The following TTC7B variants were observed in gnomAD, a reference collection of about 807,000 sequenced individuals.
TTC7B encodes tetratricopeptide repeat protein 7B.
A neutral mutation model predicts 106.8 loss-of-function variants in TTC7B; 28 were observed. The ratio of observed to expected loss-of-function variants is 0.26; its 90% CI spans 0.19 to 0.36. The LOEUF (loss-of-function observed/expected upper bound fraction) is 0.36, where lower values mean the gene tolerates loss of function less well. Ranked by LOEUF, TTC7B falls within the 10% of genes least tolerant of loss-of-function variation. The pLI, the probability that TTC7B is intolerant of heterozygous loss-of-function variation, is 1.00. For missense variants in TTC7B, 862 were observed against 1,076.4 expected, an observed-to-expected ratio of 0.80 and a Z score of 2.79; for synonymous variants, 405 against 430.6, an observed-to-expected ratio of 0.94 and a Z score of 0.74.
chr14:90,681,193 A>G (rs547621446), intron 7 of TTC7B, among the ~76,000 whole-genome samples: 4 of 152,282 alleles, frequency 2.6e-5, no homozygotes, highest in Admixed American at 2.6e-4. Context: ...GCAGAACCCC[A>G]ATCTGTATTC....
At chr14:90,574,794 A>G (rs917177294) in intron 19 of TTC7B, among the ~76,000 whole-genome samples, 2 of 152,042 alleles carry the variant, frequency 1.3e-5, no homozygotes, top group Admixed American at 1.3e-4. Flanking sequence ...AACAGCCCCC[A>G]CTGACTGCTT....
At chr14:90,579,418 GTGTATGTT>G (rs1467569923) in intron 18 of TTC7B, among the ~76,000 whole-genome samples, 19 of 152,226 alleles carry the variant, frequency 1.2e-4, no homozygotes, top group African/African-American at 4.3e-4. Context: ...TCCCAGTTAT[GTGTATGTT>G]TGTATGAATT....
At chr14:90,586,023 T>TGTTATGTTTGCTGTTA (rs1891695289) in intron 18 of TTC7B, among the ~76,000 whole-genome samples, 1 of 152,354 alleles carries the variant, frequency 6.6e-6, no homozygotes. Flanking sequence ...TGTTATGTGG[T>TGTTATGTTTGCTGTTA]TGTCCTAACT....
In TTC7B at chr14:90,525,852, GGT is replaced by G. The variant is rs1237835538; in HGVS notation, c.*15514_*15515del. 6.8e-6 allele frequency: 1 copy of G among 146,546 alleles called. No homozygotes were observed. Among genetic ancestry groups the G allele is most frequent in the Non-Finnish European group, 1.5e-5 (1 of 66,688 alleles). The allele number at this position is 146,546 out of a possible 1,614,324, so 9.1% of individuals were successfully genotyped here. A position where few individuals can be genotyped will look rare whatever the true frequency, so the allele number is the denominator to read the frequency against. ...GGCTAAGCAGAGACTTTGGAACCCC[GGT>G]TCTAAAGCTCTCAGAGTGGAAGAGT... On this transcript the variant is annotated 3_prime_UTR_variant, in exon 20 of 20. Coordinates refer to ENST00000328459, the MANE Select transcript of TTC7B (RefSeq NM_001010854.2).
intron 5 of TTC7B, among the ~76,000 whole-genome samples, chr14:90,723,683 C>T (rs185865555): frequency 6.6e-6 from 1 of 152,314 alleles, no homozygotes; most frequent in African/African-American, 2.4e-5. Context: ...CCTGGCCAGG[C>T]CACCCTATCT....
intron 15 of TTC7B, among the ~76,000 whole-genome samples, chr14:90,636,993 A>G (rs1884972390): frequency 6.6e-6 from 1 of 151,554 alleles, no homozygotes; most frequent in African/African-American, 2.4e-5. Flanking sequence ...CCAAAATACA[A>G]CAAGACAGAA....
At chr14:90,813,367 G>A (rs143075004) in intron 1 of TTC7B, among the ~76,000 whole-genome samples, 1 of 152,318 alleles carries the variant, frequency 6.6e-6, no homozygotes, top group East Asian at 1.9e-4. Context: ...CATAAGGGCT[G>A]AGATTTTTGC....
intron 5 of TTC7B, among the ~76,000 whole-genome samples, chr14:90,704,203 C>T (rs1234398648): frequency 2.0e-5 from 3 of 152,254 alleles, no homozygotes; most frequent in African/African-American, 4.8e-5. Context: ...CCAGCTGCTA[C>T]GTCCCACCAT....
chr14:90,698,012 C>A (rs1265997966), intron 5 of TTC7B: 1 of 152,182 alleles, frequency 6.6e-6, no homozygotes, highest in African/African-American at 2.4e-5. Flanking sequence ...AAGCTACAAC[C>A]CATTGCAATG....
At chr14:90,678,239 G>A (rs551279772) in intron 8 of TTC7B, among the ~76,000 whole-genome samples, 1 of 152,288 alleles carries the variant, frequency 6.6e-6, no homozygotes, top group Admixed American at 6.5e-5. Context: ...TGGTAGTTCT[G>A]CAAATCAAGT....
chr14:90,618,077 A>G (rs1426812698), intron 15 of TTC7B, 32 bp from the exon 16 acceptor site: 1 of 1,528,986 alleles, frequency 6.5e-7, no homozygotes. Context: ...AGAAAACACC[A>G]CGGCTCAAGC....
At chr14:90,679,405 C>T (rs1482780158) in intron 8 of TTC7B, among the ~76,000 whole-genome samples, 2 of 152,192 alleles carry the variant, frequency 1.3e-5, no homozygotes, top group African/African-American at 2.4e-5. Context: ...CCATTTTATA[C>T]CTCCCATTAA....
chr14:90,791,866 G>T (rs1013768595), intron 1 of TTC7B, among the ~76,000 whole-genome samples: 1 of 152,046 alleles, frequency 6.6e-6, no homozygotes, highest in Non-Finnish European at 1.5e-5. Context: ...AGTGAAACAT[G>T]AACTTCTATC....
Position 90,539,069 on chromosome 14 carries a change from T to A in TTC7B, c.*2299A>T, listed in dbSNP as rs6575138. On this transcript the variant is annotated 3_prime_UTR_variant, in exon 20 of 20. Transcript: ENST00000328459. ...GTGCTTCTCATTGGCCAAGCATGGG[T>A]CACATGCCCAAACCCAAACCAGTCA... 42,576 of 152,126 alleles carry A rather than the reference T, an allele frequency of 0.28. 6,213 individuals carry two copies. Among genetic ancestry groups the A allele is most frequent in the Admixed American group, 0.34 (5,156 of 15,290 alleles). The allele number at this position is 152,126 out of a possible 1,614,324, so 9.4% of individuals were successfully genotyped here. A position where few individuals can be genotyped will look rare whatever the true frequency, so the allele number is the denominator to read the frequency against.
chr14:90,684,378 T>C (rs1887174115), intron 7 of TTC7B, among the ~76,000 whole-genome samples: 2 of 152,024 alleles, frequency 1.3e-5, no homozygotes, highest in Non-Finnish European at 2.9e-5. Context: ...CACATATATA[T>C]ATACACATTA....
chr14:90,537,680 CCTGT>C lies in TTC7B; in HGVS notation c.*3684_*3687del, dbSNP rs1480356005. On this transcript the variant is annotated 3_prime_UTR_variant, in exon 20 of 20. Transcript: ENST00000328459. ...CCTGAGATGTCCTCCTCCCAGGTTA[CCTGT>C]CTTTCTTCAGCCAGATGTCACCTTC... 6.6e-6 allele frequency: 1 copy of C among 152,386 alleles called. No individual in the cohort carries two copies. The highest frequency in any genetic ancestry group is 1.5e-5 in the Non-Finnish European group (1 of 68,178). The allele number at this position is 152,386 out of a possible 1,614,324, so 9.4% of individuals were successfully genotyped here.
rs71461922 is a variant in TTC7B, at chr14:90,737,546, G to GTTTT, written c.576+7242_576+7245dup. 8.8e-4 allele frequency among the ~76,000 whole-genome samples: 81 copies of GTTTT among 91,764 alleles called. 1 individual carries two copies. The highest frequency in any genetic ancestry group is 0.023 in the Middle Eastern group (2 of 88). 60.2% of individuals were successfully genotyped at this position (91,764 alleles called of 152,430 possible). ...AAAAGATCATATATTGTATGATTCT[G>GTTTT]TTTTTTTTTTTTTTTTTTTTTTTTT... On this transcript the variant is annotated intron_variant, in intron 4 of 19. Coordinates refer to ENST00000328459, the MANE Select transcript of TTC7B (RefSeq NM_001010854.2).
chr14:90,795,688 G>A (rs1473357091), intron 1 of TTC7B, among the ~76,000 whole-genome samples: 1 of 152,174 alleles, frequency 6.6e-6, no homozygotes, highest in South Asian at 2.1e-4. Flanking sequence ...AGTAAGTGGT[G>A]AATAAACATT....
chr14:90,755,850 A>G (rs550834322), intron 3 of TTC7B, among the ~76,000 whole-genome samples: 1 of 152,382 alleles, frequency 6.6e-6, no homozygotes, highest in Non-Finnish European at 1.5e-5. Flanking sequence ...ACTGACTGTT[A>G]GAAGGCTCGG....
Sources: allele counts gnomAD v4.1 joint callset (sites outside exome capture counted in the v4.1 genomes callset), GRCh38; gene constraint gnomAD v4.1.1; transcripts MANE v1.5; gene names NCBI Gene and HGNC (gene_info 2026-07-23, HGNC 2026-07-21).